GPC6: variants seen among roughly 807,000 people sequenced by gnomAD.
The protein encoded by GPC6 is glypican 6.
A neutral mutation model predicts 55.2 loss-of-function variants in GPC6; 14 were observed. That is an observed-to-expected ratio of 0.25 (90% CI 0.17 to 0.40). The LOEUF (loss-of-function observed/expected upper bound fraction) is 0.40, where lower values mean the gene tolerates loss of function less well. Among genes scored for constraint, GPC6 ranks in the 10% least tolerant of loss-of-function variants. The pLI, the probability that GPC6 is intolerant of heterozygous loss-of-function variation, is 1.00. For missense variants in GPC6, 641 were observed against 708.5 expected (o/e 0.90, Z 1.08); for synonymous variants, 278 against 259.6 (o/e 1.07, Z -0.68).
chr13:93,470,383 G>T (rs538390063), intron 1 of GPC6, among the ~76,000 whole-genome samples: 1 of 152,180 alleles, frequency 6.6e-6, no homozygotes, highest in South Asian at 2.1e-4. Flanking sequence ...AAAATCATAA[G>T]GGATTTCTTT....
At chr13:93,681,436 G>T (rs1424047385) in intron 2 of GPC6, among the ~76,000 whole-genome samples, 2 of 152,024 alleles carry the variant, frequency 1.3e-5, no homozygotes, top group African/African-American at 4.8e-5. Context: ...ATATGTTTGT[G>T]AATGCTTAGC....
intron 6 of GPC6, among the ~76,000 whole-genome samples, chr13:94,368,833 T>G (rs1285767668): frequency 6.6e-6 from 1 of 152,200 alleles, no homozygotes; most frequent in East Asian, 1.9e-4. Context: ...TCAAATGATT[T>G]GGTGCTGTCA....
intron 1 of GPC6, among the ~76,000 whole-genome samples, chr13:93,309,129 A>G (rs987454335): frequency 1.3e-5 from 2 of 152,186 alleles, no homozygotes; most frequent in Admixed American, 1.3e-4. Flanking sequence ...ATTTCTTTTT[A>G]GAAGACCATG....
At chr13:93,653,473 G>T (rs578069223) in intron 2 of GPC6, among the ~76,000 whole-genome samples, 1 of 151,968 alleles carries the variant, frequency 6.6e-6, no homozygotes, top group East Asian at 1.9e-4. Flanking sequence ...ATTTTCACAA[G>T]CATGCTTTCA....
intron 3 of GPC6, among the ~76,000 whole-genome samples, chr13:93,923,150 C>G (rs553628567): frequency 2.2e-4 from 33 of 152,252 alleles, no homozygotes; most frequent in African/African-American, 7.5e-4. Flanking sequence ...CCAGAAGTGT[C>G]TTTTTTGTTG....
intron 1 of GPC6, among the ~76,000 whole-genome samples, chr13:93,492,650 C>T (rs1379084682): frequency 6.6e-6 from 1 of 150,720 alleles, no homozygotes; most frequent in Non-Finnish European, 1.5e-5. Context: ...ATGATATTGG[C>T]TGTGGGTTTG....
intron 1 of GPC6, among the ~76,000 whole-genome samples, chr13:93,443,643 TG>T: frequency 6.6e-6 from 1 of 152,268 alleles, no homozygotes; most frequent in East Asian, 1.9e-4. Flanking sequence ...TTTTTCGTGG[TG>T]GGATTGTAAA....
chr13:94,259,508 C>T (rs1407825791), intron 4 of GPC6, among the ~76,000 whole-genome samples: 1 of 152,068 alleles, frequency 6.6e-6, no homozygotes, highest in Non-Finnish European at 1.5e-5. Context: ...TTTCATTGTA[C>T]TTTTCAAAAA....
At chr13:93,475,777 G>C (rs1879280536) in intron 1 of GPC6, among the ~76,000 whole-genome samples, 1 of 152,132 alleles carries the variant, frequency 6.6e-6, no homozygotes, top group African/African-American at 2.4e-5. Context: ...TTCTGAAATA[G>C]CTTGTTACTT....
rs141566599 is a variant in GPC6, at chr13:93,647,246, G to T, written c.319+101825G>T. Among the ~76,000 whole-genome samples the T allele has an allele frequency of 3.3e-4, 50 of 152,182 alleles. No homozygotes were observed. The South Asian group carries it at 9.3e-3, about 28-fold the overall frequency. On this transcript the variant is annotated intron_variant, in intron 2 of 8. Coordinates refer to ENST00000377047, the MANE Select transcript of GPC6 (RefSeq NM_005708.5). ...GTTTGAATAAATGTGGTTATAAAAT[G>T]CATTTTATAATATGGATGTTTCTCT...
At chr13:93,392,050 G>A (rs927645459) in intron 1 of GPC6, among the ~76,000 whole-genome samples, 2 of 152,150 alleles carry the variant, frequency 1.3e-5, no homozygotes, top group East Asian at 1.9e-4. Context: ...CTTAAATCAG[G>A]ATTTATAGTG....
intron 3 of GPC6, among the ~76,000 whole-genome samples, chr13:94,014,723 C>G (rs1040877292): frequency 3.3e-5 from 5 of 152,156 alleles, no homozygotes; most frequent in African/African-American, 1.2e-4. Flanking sequence ...CTGACAACCA[C>G]TAATCTACTT....
intron 6 of GPC6, among the ~76,000 whole-genome samples, chr13:94,328,130 T>C (rs548021280): frequency 1.5e-3 from 229 of 152,256 alleles, no homozygotes; most frequent in African/African-American, 5.3e-3. Context: ...ACTCGGATCA[T>C]TTACATGAGA....
At chr13:94,296,232 C>A (rs1352313380) in intron 5 of GPC6, among the ~76,000 whole-genome samples, 2 of 152,176 alleles carry the variant, frequency 1.3e-5, no homozygotes, top group Admixed American at 6.5e-5. Flanking sequence ...CAAAAGTGTT[C>A]TCCTTTTGAT....
At chr13:94,016,443 G>T (rs559886424) in intron 3 of GPC6, among the ~76,000 whole-genome samples, 1 of 152,144 alleles carries the variant, frequency 6.6e-6, no homozygotes, top group East Asian at 1.9e-4. Context: ...CAATTTTTTG[G>T]AATAAATACC....
chr13:93,652,013 GATAACCACC>G (rs1364820574), intron 2 of GPC6, among the ~76,000 whole-genome samples: 3 of 152,230 alleles, frequency 2.0e-5, no homozygotes, highest in East Asian at 3.9e-4. Context: ...GGAAAAACAA[GATAACCACC>G]ATAACCACCA....
chr13:93,876,159 A>G (rs1889287228), intron 3 of GPC6, among the ~76,000 whole-genome samples: 1 of 151,950 alleles, frequency 6.6e-6, no homozygotes, highest in Non-Finnish European at 1.5e-5. Flanking sequence ...AAAAGCACCT[A>G]TTTGCACTCT....
intron 2 of GPC6, among the ~76,000 whole-genome samples, chr13:93,753,779 C>CTTAT (rs1566518346): frequency 1.3e-5 from 2 of 151,896 alleles, no homozygotes; most frequent in Non-Finnish European, 2.9e-5. Flanking sequence ...CACTCTCTGT[C>CTTAT]TTATTTATTT....
At chr13:93,813,806 T>A (rs868089859) in intron 2 of GPC6, among the ~76,000 whole-genome samples, 2,806 of 144,318 alleles carry the variant, frequency 0.019, 77 homozygotes, top group African/African-American at 0.068. Context: ...TATTTTTTTT[T>A]AAAAAATGAG....
Sources: gnomAD v4.1 joint callset for allele counts (sites outside exome capture counted in the v4.1 genomes callset) on GRCh38, gnomAD v4.1.1 for gene constraint, MANE v1.5 for transcripts, NCBI Gene and HGNC (gene_info 2026-07-23, HGNC 2026-07-21) for gene names.